PRKN: variants seen among roughly 807,000 people sequenced by gnomAD.
PRKN encodes the protein parkin RBR E3 ubiquitin protein ligase, also known as E3 ubiquitin-protein ligase parkin.
PRKN carries 56 observed loss-of-function variants against 59.5 expected under a neutral mutation model. The ratio of observed to expected loss-of-function variants is 0.94; its 90% CI spans 0.76 to 1.18. The LOEUF is 1.18. Among genes scored for constraint, PRKN ranks in the 50% most tolerant of loss-of-function variants. The probability of loss-of-function intolerance (pLI) is 0.00; values close to 1 mark genes in which losing one functional copy is unlikely to be tolerated. For synonymous variants in PRKN, 250 were observed against 222.1 expected, an observed-to-expected ratio of 1.13 and a Z score of -1.12; for missense variants, 657 against 596.4, an observed-to-expected ratio of 1.10 and a Z score of -1.06.
chr6:161,937,316 T>C (rs1272935572), intron 6 of PRKN, among the ~76,000 whole-genome samples: 7 of 152,350 alleles, frequency 4.6e-5, no homozygotes, highest in Non-Finnish European at 1.0e-4. Flanking sequence ...CATTTTGAAG[T>C]ATGCTTACAT....
intron 7 of PRKN, among the ~76,000 whole-genome samples, chr6:161,660,453 T>C (rs575069852): frequency 1.2e-4 from 18 of 152,008 alleles, no homozygotes; most frequent in Admixed American, 3.3e-4. Flanking sequence ...AAAACAGGGA[T>C]GGAATAAAAA....
At chr6:161,894,433 T>C (rs759261789) in intron 6 of PRKN, among the ~76,000 whole-genome samples, 2 of 152,212 alleles carry the variant, frequency 1.3e-5, no homozygotes, top group Non-Finnish European at 2.9e-5. Flanking sequence ...TTCAGCAGTT[T>C]TCCATTCCCT....
chr6:162,370,944 TTA>T (rs1785731833), intron 2 of PRKN, among the ~76,000 whole-genome samples: 1 of 152,204 alleles, frequency 6.6e-6, no homozygotes, highest in Admixed American at 6.5e-5. Context: ...TACTCAGAAC[TTA>T]TGAGCCAAAT....
At chr6:161,841,133 T>C (rs1348484797) in intron 6 of PRKN, among the ~76,000 whole-genome samples, 1 of 152,178 alleles carries the variant, frequency 6.6e-6, no homozygotes, top group Non-Finnish European at 1.5e-5. Flanking sequence ...GTTGCAACAG[T>C]ATTCACAAAG....
rs963704294 is a variant in PRKN, at chr6:162,077,796, T to C, written c.535-23622A>G. ...GGGTGGATCACCTGAGATCAGAAGT[T>C]CAAGACCAGCCTGGCCAATGTGGTG... On this transcript the variant is annotated intron_variant, in intron 4 of 11. Coordinates refer to ENST00000366898, the MANE Select transcript of PRKN (RefSeq NM_004562.3). Among the ~76,000 whole-genome samples, 3 of 151,976 alleles carry C rather than the reference T, an allele frequency of 2.0e-5. No individual in the cohort carries two copies. The South Asian group carries it at 6.2e-4, about 32-fold the overall frequency.
At chr6:162,291,513 G>GCACTT (rs1781426496) in intron 2 of PRKN, among the ~76,000 whole-genome samples, 1 of 152,090 alleles carries the variant, frequency 6.6e-6, no homozygotes, top group Non-Finnish European at 1.5e-5. Flanking sequence ...TATCCCTCCA[G>GCACTT]CACTTCACGG....
At chr6:162,568,237 G>A (rs1780160000) in intron 1 of PRKN, 1 of 177,068 alleles carries the variant, frequency 5.6e-6, no homozygotes, top group African/African-American at 2.4e-5. Context: ...TACCCCACAA[G>A]CACAAGCAAC....
chr6:162,021,453 ATATATATATTTT>A (rs1381214392), intron 5 of PRKN, among the ~76,000 whole-genome samples: 1 of 10,370 alleles, frequency 9.6e-5, no homozygotes, highest in Admixed American at 2.3e-3. Flanking sequence ...ATATATATAT[ATATATATATTTT>A]TTTTTTTTTT....
chr6:161,495,840 T>G (rs1777728479), intron 9 of PRKN, among the ~76,000 whole-genome samples: 1 of 152,246 alleles, frequency 6.6e-6, no homozygotes, highest in African/African-American at 2.4e-5. Context: ...CAACTCTTCC[T>G]TCAGGTCTCA....
intron 2 of PRKN, among the ~76,000 whole-genome samples, chr6:162,353,869 C>T (rs1338392017): frequency 1.3e-5 from 2 of 152,250 alleles, no homozygotes; most frequent in East Asian, 3.9e-4. Context: ...CACATATTGG[C>T]TAGCAAAGAA....
chr6:161,575,861 G>GA lies in PRKN; in HGVS notation c.872-6446dup, dbSNP rs556576336. Among the ~76,000 whole-genome samples, 5 of 152,256 alleles carry GA rather than the reference G, an allele frequency of 3.3e-5. No individual in the cohort carries two copies. The East Asian group carries it at 9.7e-4, about 29-fold the overall frequency. ...CTATTTCCCCCCTAAGTACAACTTA[G>GA]AAAAGGAAACCGACTAACGACAAAA... On this transcript the variant is annotated intron_variant, in intron 7 of 11. Coordinates refer to ENST00000366898, the MANE Select transcript of PRKN (RefSeq NM_004562.3). This position sits in a 1 kb window ranked among gnomAD's most constrained non-coding sequence, Gnocchi z 4.6.
chr6:161,803,406 T>C (rs1362412529), intron 6 of PRKN, among the ~76,000 whole-genome samples: 2 of 152,244 alleles, frequency 1.3e-5, no homozygotes, highest in Non-Finnish European at 2.9e-5. Context: ...TAGTAGTGTA[T>C]GTGACATAAT....
At chr6:161,678,265 A>G (rs1180054728) in intron 7 of PRKN, among the ~76,000 whole-genome samples, 3 of 113,426 alleles carry the variant, frequency 2.6e-5, no homozygotes, top group Non-Finnish European at 4.9e-5. Context: ...CCACAGGCCC[A>G]TAAGATCCTG....
intron 1 of PRKN, among the ~76,000 whole-genome samples, chr6:162,618,644 C>T (rs1383221261): frequency 6.6e-6 from 1 of 152,072 alleles, no homozygotes; most frequent in Non-Finnish European, 1.5e-5. Context: ...AAAATGCTGA[C>T]AGAGCTTTAG....
intron 7 of PRKN, among the ~76,000 whole-genome samples, chr6:161,644,994 C>T (rs1783871716): frequency 1.3e-5 from 2 of 152,172 alleles, no homozygotes; most frequent in African/African-American, 4.8e-5. Context: ...TATCATTTAT[C>T]CTTATAGCCA....
At position 161,428,468 on chromosome 6, in the gene PRKN, T is replaced by C. The variant is rs2115045498; in HGVS notation, c.1084-41591A>G. 6.6e-6 allele frequency among the ~76,000 whole-genome samples: 1 copy of C among 152,180 alleles called. No homozygotes were observed. Among genetic ancestry groups the C allele is most frequent in the East Asian group, 1.9e-4 (1 of 5,154 alleles). On this transcript the variant is annotated intron_variant, in intron 9 of 11. Coordinates refer to ENST00000366898, the MANE Select transcript of PRKN (RefSeq NM_004562.3). The surrounding 1 kb of genome is among the most constrained non-coding windows in gnomAD (Gnocchi z 4.0). ...CATGGAGAGACAGGCGGCTGCTCCGTCCATCTTCGAACCTGGCTGGCATCG... is the reference window on the plus strand; with the variant it reads ...CATGGAGAGACAGGCGGCTGCTCCGCCCATCTTCGAACCTGGCTGGCATCG...
chr6:161,855,330 A>G (rs956281756), intron 6 of PRKN, among the ~76,000 whole-genome samples: 9 of 152,202 alleles, frequency 5.9e-5, no homozygotes, highest in African/African-American at 2.2e-4. Context: ...GAAACCTCAT[A>G]TATCAGACAT....
intron 2 of PRKN, among the ~76,000 whole-genome samples, chr6:162,389,007 G>GAAAAAAAAAAAAAA (rs71278564): frequency 1.9e-5 from 2 of 104,160 alleles, no homozygotes; most frequent in African/African-American, 7.1e-5. Flanking sequence ...AGTTCCTCCA[G>GAAAAAAAAAAAAAA]AAAAAAAAAA....
At chr6:162,715,543 C>T (rs1175120487) in intron 1 of PRKN, among the ~76,000 whole-genome samples, 1 of 152,162 alleles carries the variant, frequency 6.6e-6, no homozygotes, top group Non-Finnish European at 1.5e-5. Context: ...TGTAATAGCT[C>T]CAAGTGCTTA....
Sources: gnomAD v4.1 joint callset for allele counts (sites outside exome capture counted in the v4.1 genomes callset) on GRCh38, gnomAD v4.1.1 for gene constraint, Gnocchi (gnomAD v3.1) non-coding constraint, MANE v1.5 for transcripts, NCBI Gene and HGNC (gene_info 2026-07-23, HGNC 2026-07-21) for gene names.